Variants in SAMD5 observed in about 807,000 individuals in gnomAD.
SAMD5 encodes sterile alpha motif domain-containing protein 5.
In SAMD5, 13 loss-of-function variants were observed where a neutral mutation model predicts 11.3. The observed-to-expected ratio is 1.15, with a 90% CI of 0.75 to 1.83. The LOEUF (loss-of-function observed/expected upper bound fraction) is 1.83. Ranked by LOEUF, SAMD5 falls within the 40% of genes most tolerant of loss-of-function variation. The pLI is 0.00. For synonymous variants in SAMD5, 129 were observed against 111.3 expected (o/e 1.16, Z -1.00); for missense variants, 255 against 239.1 (o/e 1.07, Z -0.44).
chr6:147,618,128 CTG>C (rs1167665002), intron 1 of SAMD5, among the ~76,000 whole-genome samples: 3 of 152,142 alleles, frequency 2.0e-5, no homozygotes, highest in Non-Finnish European at 2.9e-5. Context: ...GGTGAGGAAA[CTG>C]ATATAACTAA....
At chr6:147,606,233 C>T (rs1046100191) in intron 1 of SAMD5, among the ~76,000 whole-genome samples, 6 of 152,092 alleles carry the variant, frequency 3.9e-5, no homozygotes, top group African/African-American at 1.4e-4. Context: ...AAGGTGGGCA[C>T]GCGTGGCTTT....
chr6:147,636,965 C>A (rs1410425520), intron 1 of SAMD5, among the ~76,000 whole-genome samples: 2 of 151,906 alleles, frequency 1.3e-5, no homozygotes, highest in African/African-American at 2.4e-5. Flanking sequence ...GTCTTACAAT[C>A]ACTCATCCAG....
chr6:147,855,095 A>G, the SAMD5 span, among the ~76,000 whole-genome samples: 1 of 152,182 alleles, frequency 6.6e-6, no homozygotes, highest in African/African-American at 2.4e-5. Flanking sequence ...CTCAATAAGT[A>G]TTTAGTTACT....
intron 1 of SAMD5, among the ~76,000 whole-genome samples, chr6:147,628,075 T>A (rs1790085531): frequency 6.6e-6 from 1 of 152,200 alleles, no homozygotes; most frequent in Admixed American, 6.5e-5. Flanking sequence ...ATGAAAATAT[T>A]ATATTTGTGG....
chr6:147,937,593 G>A, the SAMD5 span, among the ~76,000 whole-genome samples: 49 of 152,234 alleles, frequency 3.2e-4, no homozygotes, highest in African/African-American at 1.1e-3. Context: ...CAATAATGAG[G>A]CAGGACTCGC....
chr6:147,844,368 G>A, the SAMD5 span, among the ~76,000 whole-genome samples: 1 of 152,152 alleles, frequency 6.6e-6, no homozygotes, highest in East Asian at 1.9e-4. Context: ...GTGGAGAGAA[G>A]GGAATCTTTG....
At chr6:147,698,063 ACG>A (rs1406608860) in intron 1 of SAMD5, among the ~76,000 whole-genome samples, 1 of 152,154 alleles carries the variant, frequency 6.6e-6, no homozygotes, top group East Asian at 1.9e-4. Flanking sequence ...TCCCCCGCAC[ACG>A]CAGTTCACAG....
chr6:147,516,773 G>A (rs987663126), intron 1 of SAMD5, among the ~76,000 whole-genome samples: 1 of 152,188 alleles, frequency 6.6e-6, no homozygotes, highest in Admixed American at 6.5e-5. Flanking sequence ...TATGGCCCAA[G>A]TCGCAGAGCA....
chr6:147,913,748 T>C, the SAMD5 span, among the ~76,000 whole-genome samples: 1 of 152,104 alleles, frequency 6.6e-6, no homozygotes, highest in Non-Finnish European at 1.5e-5. Context: ...AGAAATGTTG[T>C]GGGGGATGGA....
chr6:147,673,162 A>G (rs1034157160), intron 1 of SAMD5, among the ~76,000 whole-genome samples: 14 of 152,338 alleles, frequency 9.2e-5, no homozygotes, highest in South Asian at 2.1e-4. Flanking sequence ...TTGTTTAGAA[A>G]TAAACATTTA....
intron 1 of SAMD5, among the ~76,000 whole-genome samples, chr6:147,529,342 A>G (rs1479885299): frequency 1.3e-5 from 2 of 152,154 alleles, no homozygotes; most frequent in African/African-American, 4.8e-5. Context: ...TTTTATTCTT[A>G]TCTATACCCC....
chr6:147,700,495 C>G (rs1369276784), intron 1 of SAMD5, among the ~76,000 whole-genome samples: 3 of 152,170 alleles, frequency 2.0e-5, no homozygotes, highest in Non-Finnish European at 4.4e-5. Flanking sequence ...TTCACCTAAC[C>G]CTGTGACACT....
the SAMD5 span, among the ~76,000 whole-genome samples, chr6:147,811,057 T>C: frequency 6.6e-6 from 1 of 152,226 alleles, no homozygotes; most frequent in African/African-American, 2.4e-5. Context: ...CACCTAAACC[T>C]GTTTTCTCAA....
chr6:147,664,362 A>G (rs902579879), intron 1 of SAMD5, among the ~76,000 whole-genome samples: 2 of 152,174 alleles, frequency 1.3e-5, no homozygotes, highest in African/African-American at 4.8e-5. Flanking sequence ...ACTAGCAGAG[A>G]TAAATATACT....
At chr6:147,684,406 A>G (rs772504830) in intron 1 of SAMD5, among the ~76,000 whole-genome samples, 18 of 152,214 alleles carry the variant, frequency 1.2e-4, no homozygotes, top group African/African-American at 2.4e-4. Flanking sequence ...TACTATGCAC[A>G]GTGTTGTATA....
At chr6:147,951,547 C>G in the SAMD5 span, among the ~76,000 whole-genome samples, 1 of 152,190 alleles carries the variant, frequency 6.6e-6, no homozygotes, top group Admixed American at 6.5e-5. Flanking sequence ...CACAGAAATG[C>G]AAACGAGAGA....
chr6:147,660,699 C>A (rs925910554), intron 1 of SAMD5: 17 of 152,330 alleles, frequency 1.1e-4, no homozygotes, highest in African/African-American at 4.1e-4. Context: ...CCTCCCCCGC[C>A]CTTCTCTCTT....
chr6:147,595,525 T>TC (rs1281024361), intron 1 of SAMD5, among the ~76,000 whole-genome samples: 10 of 139,180 alleles, frequency 7.2e-5, no homozygotes, highest in African/African-American at 2.7e-4. Context: ...AAACTACCTT[T>TC]TTTTTTTTTT....
At chr6:147,862,434 G>C in the SAMD5 span, among the ~76,000 whole-genome samples, 3 of 152,048 alleles carry the variant, frequency 2.0e-5, no homozygotes, top group Non-Finnish European at 4.4e-5. Flanking sequence ...TATTTCTTGA[G>C]GGTTCTAAAA....
Sources: gnomAD v4.1 joint callset for allele counts (sites outside exome capture counted in the v4.1 genomes callset) on GRCh38, gnomAD v4.1.1 for gene constraint, MANE v1.5 for transcripts, NCBI Gene and HGNC (gene_info 2026-07-23, HGNC 2026-07-21) for gene names.